The following NXPH1 variants were observed in gnomAD, a reference collection of about 807,000 sequenced individuals.
NXPH1 encodes neurexophilin-1.
A neutral mutation model predicts 23.7 loss-of-function variants in NXPH1; 5 were observed. The ratio of observed to expected loss-of-function variants is 0.21; its 90% CI spans 0.11 to 0.44. NXPH1 has a LOEUF of 0.44. Ranked by LOEUF, NXPH1 falls within the 20% of genes least tolerant of loss-of-function variation. NXPH1 has a pLI of 0.99. For missense variants in NXPH1, 324 were observed against 321.6 expected (o/e 1.01, Z -0.06); for synonymous variants, 144 against 122.2 (o/e 1.18, Z -1.18).
chr7:8,592,522 T>C (rs1478196962), intron 2 of NXPH1, among the ~76,000 whole-genome samples: 1 of 152,048 alleles, frequency 6.6e-6, no homozygotes, highest in Non-Finnish European at 1.5e-5. Context: ...AAAGCAATCA[T>C]CATATTTACT....
intron 2 of NXPH1, among the ~76,000 whole-genome samples, chr7:8,592,219 C>T (rs1258172672): frequency 1.3e-5 from 2 of 151,960 alleles, no homozygotes; most frequent in African/African-American, 2.4e-5. Context: ...AAGGTGTATA[C>T]TCATTATGGG....
rs1387937545 is a variant in NXPH1 at position 8,730,321 on chromosome 7, G to T, written c.55-20687G>T. On this transcript the variant is annotated intron_variant, in intron 2 of 2. Transcript: ENST00000405863. ...TTTGCCAGTCTGTGTCTTTTAATTG[G>T]AGCATTTAGTCCATTTACATTTAAA... Among the ~76,000 whole-genome samples, 3 of 148,834 alleles carry T rather than the reference G, an allele frequency of 2.0e-5. No homozygotes were observed. The South Asian group carries it at 6.6e-4, about 33-fold the overall frequency.
chr7:8,646,771 C>T (rs1319788952), intron 2 of NXPH1, among the ~76,000 whole-genome samples: 2 of 151,628 alleles, frequency 1.3e-5, no homozygotes, highest in Non-Finnish European at 2.9e-5. Flanking sequence ...CCAAACAGTC[C>T]CTCTATAATT....
chr7:8,669,652 G>C (rs111436711), intron 2 of NXPH1, among the ~76,000 whole-genome samples: 2,912 of 152,230 alleles, frequency 0.019, 48 homozygotes, highest in Middle Eastern at 0.048. Context: ...GAGCATGTGT[G>C]CTTGCCCAGC....
At position 8,444,465 on chromosome 7, in the gene NXPH1, A is replaced by C. The variant is rs534408406; in HGVS notation, c.54+8698A>C. Among the ~76,000 whole-genome samples, 13 of 152,260 alleles carry C rather than the reference A, an allele frequency of 8.5e-5. No homozygotes were observed. In the East Asian group the frequency reaches 2.3e-3, roughly 27 times the overall value. On this transcript the variant is annotated intron_variant, in intron 2 of 2. Coordinates refer to ENST00000405863, the MANE Select transcript of NXPH1 (RefSeq NM_152745.3). Reference sequence around the variant, plus strand: ...ACCCACCGAGGTCACTGAACTGCCCAGGGTCTTGCCTGCTGGATTACAAGC... The same window carrying C: ...ACCCACCGAGGTCACTGAACTGCCCCGGGTCTTGCCTGCTGGATTACAAGC...
At chr7:8,568,220 T>G (rs893941058) in intron 2 of NXPH1, among the ~76,000 whole-genome samples, 8 of 151,910 alleles carry the variant, frequency 5.3e-5, no homozygotes, top group African/African-American at 1.9e-4. Context: ...TGGTGGAATT[T>G]TATTTTCTCA....
At chr7:8,713,530 C>G (rs930728839) in intron 2 of NXPH1, among the ~76,000 whole-genome samples, 7 of 151,050 alleles carry the variant, frequency 4.6e-5, no homozygotes, top group African/African-American at 1.7e-4. Context: ...GCTACCTGGG[C>G]ATTGAAGACT....
chr7:8,720,513 T>A (rs1779953885), intron 2 of NXPH1, among the ~76,000 whole-genome samples: 2 of 152,200 alleles, frequency 1.3e-5, no homozygotes, highest in African/African-American at 4.8e-5. Flanking sequence ...TAAAATAATG[T>A]CAGCCTCAGA....
intron 2 of NXPH1, among the ~76,000 whole-genome samples, chr7:8,741,731 T>C (rs1780366724): frequency 6.6e-6 from 1 of 152,128 alleles, no homozygotes. Flanking sequence ...AAATACAGGC[T>C]CTAAATTTGT....
intron 2 of NXPH1, among the ~76,000 whole-genome samples, chr7:8,692,093 A>G (rs1465103326): frequency 1.3e-5 from 2 of 151,798 alleles, no homozygotes; most frequent in African/African-American, 4.8e-5. Context: ...GGGAGGTTGG[A>G]GTGAGCAGAG....
chr7:8,605,619 A>G (rs778899486), intron 2 of NXPH1, among the ~76,000 whole-genome samples: 1 of 152,130 alleles, frequency 6.6e-6, no homozygotes, highest in Non-Finnish European at 1.5e-5. Flanking sequence ...TGTCATTATC[A>G]TGCATATAAA....
intron 2 of NXPH1, among the ~76,000 whole-genome samples, chr7:8,471,849 A>G (rs568260446): frequency 6.6e-6 from 1 of 152,244 alleles, no homozygotes; most frequent in Non-Finnish European, 1.5e-5. Flanking sequence ...ATTTAAAATA[A>G]CAAGTTACAA....
intron 2 of NXPH1, among the ~76,000 whole-genome samples, chr7:8,475,826 T>G (rs969871249): frequency 6.6e-6 from 1 of 152,212 alleles, no homozygotes; most frequent in African/African-American, 2.4e-5. Flanking sequence ...GCCATTTGAT[T>G]GAAGTAAAAT....
At chr7:8,440,267 C>G (rs968133048) in intron 2 of NXPH1, among the ~76,000 whole-genome samples, 6 of 152,236 alleles carry the variant, frequency 3.9e-5, no homozygotes, top group African/African-American at 1.4e-4. Flanking sequence ...GCAGCTCGCC[C>G]AAGTGTGTGG....
At chr7:8,628,117 A>AT (rs770988527) in intron 2 of NXPH1, among the ~76,000 whole-genome samples, 16 of 152,076 alleles carry the variant, frequency 1.1e-4, no homozygotes, top group Non-Finnish European at 2.2e-4. Flanking sequence ...ACAGATATAT[A>AT]TTTTTTCCTG....
intron 2 of NXPH1, among the ~76,000 whole-genome samples, chr7:8,528,896 T>A (rs1272201777): frequency 6.6e-6 from 1 of 152,228 alleles, no homozygotes; most frequent in Non-Finnish European, 1.5e-5. Flanking sequence ...TTTCAGTTTC[T>A]GTAGGTCAGA....
At position 8,747,549 on chromosome 7, in the gene NXPH1, T is replaced by C. The variant is rs1342559420; in HGVS notation, c.55-3459T>C. On this transcript the variant is annotated intron_variant, in intron 2 of 2. Coordinates refer to ENST00000405863, the MANE Select transcript of NXPH1 (RefSeq NM_152745.3). ...ACAGCCCTTTGCTGATGCTGAGATA[T>C]AAGCACTAAGCCACTACTAAATGCA... Among the ~76,000 whole-genome samples the C allele has an allele frequency of 7.2e-5, 11 of 152,240 alleles. No individual in the cohort carries two copies. The East Asian group carries it at 2.1e-3, about 29-fold the overall frequency.
chr7:8,739,994 G>GT (rs1583255772), intron 2 of NXPH1, among the ~76,000 whole-genome samples: 1 of 152,178 alleles, frequency 6.6e-6, no homozygotes, highest in African/African-American at 2.4e-5. Context: ...TAGGCAGTGT[G>GT]TGACTGTACC....
intron 2 of NXPH1, among the ~76,000 whole-genome samples, chr7:8,505,857 T>C (rs1231514855): frequency 6.6e-6 from 1 of 152,122 alleles, no homozygotes; most frequent in Non-Finnish European, 1.5e-5. Flanking sequence ...TTGTTGTGCA[T>C]AAAAACCACT....
Sources: allele counts gnomAD v4.1 joint callset (sites outside exome capture counted in the v4.1 genomes callset), GRCh38; gene constraint gnomAD v4.1.1; transcripts MANE v1.5; gene names NCBI Gene and HGNC (gene_info 2026-07-23, HGNC 2026-07-21).